DOP1A: variants seen among roughly 807,000 people sequenced by gnomAD.
DOP1A encodes protein DOP1A.
Under a neutral mutation model 267.6 loss-of-function variants are expected in DOP1A, and 90 were observed. The ratio of observed to expected loss-of-function variants is 0.34; its 90% CI spans 0.28 to 0.40. The LOEUF (loss-of-function observed/expected upper bound fraction) is 0.40, where lower values mean the gene tolerates loss of function less well. DOP1A is among the 10% of genes least tolerant of loss of function. The pLI is 1.00. For synonymous variants in DOP1A, 932 were observed against 999.1 expected, an observed-to-expected ratio of 0.93 and a Z score of 1.27; for missense variants, 2,437 against 2,900.4, an observed-to-expected ratio of 0.84 and a Z score of 3.67.
At chr6:83,134,426 C>T (rs563049882) in intron 19 of DOP1A, 139 bp downstream of exon 19, 11 of 665,368 alleles carry the variant, frequency 1.7e-5, no homozygotes, top group African/African-American at 3.7e-5. Flanking sequence ...TTTTGAAAAC[C>T]GTAAGCTGTA....
intron 15 of DOP1A, 67 bp from the exon 16 acceptor site, chr6:83,128,820 T>G (rs1777590933): frequency 6.7e-7 from 1 of 1,485,246 alleles, no homozygotes; most frequent in Non-Finnish European, 8.9e-7. Context: ...TCAAAAGTGG[T>G]CATTTCTAAT....
At chr6:83,088,333 A>G (rs1010902000) in intron 1 of DOP1A, among the ~76,000 whole-genome samples, 1 of 151,378 alleles carries the variant, frequency 6.6e-6, no homozygotes, top group African/African-American at 2.4e-5. Flanking sequence ...GGGAGATTGG[A>G]TCAGATTAGG....
At chr6:83,170,454 T>C, downstream of DOP1A, 5 of 1,614,080 alleles carry the variant, frequency 3.1e-6, no homozygotes, top group Non-Finnish European at 4.2e-6. Flanking sequence ...GCATCGGTAG[T>C]GCTAATAACT....
intron 8 of DOP1A, among the ~76,000 whole-genome samples, chr6:83,119,523 G>A (rs1776017758): frequency 6.6e-6 from 1 of 151,868 alleles, no homozygotes. Context: ...TAGTAAAATT[G>A]GCCAAAAAAT....
intron 6 of DOP1A, among the ~76,000 whole-genome samples, chr6:83,110,882 C>A (rs1283961753): frequency 6.6e-6 from 1 of 152,148 alleles, no homozygotes; most frequent in African/African-American, 2.4e-5. Flanking sequence ...TTTATGTACA[C>A]TGAAATTAGC....
At chr6:83,169,284 C>T, downstream of DOP1A, 1 of 1,613,934 alleles carries the variant, frequency 6.2e-7, no homozygotes, top group Non-Finnish European at 8.5e-7. Context: ...AGCTGAAATA[C>T]TGCCAAGCTC....
At chr6:83,159,015 T>C (rs1282387865) in intron 36 of DOP1A, among the ~76,000 whole-genome samples, 2 of 152,188 alleles carry the variant, frequency 1.3e-5, no homozygotes, top group South Asian at 2.1e-4. Context: ...TAATATACTT[T>C]TATTCTTTTT....
At chr6:83,142,131 G>A in intron 24 of DOP1A, 85 bp downstream of exon 24, 2 of 1,495,642 alleles carry the variant, frequency 1.3e-6, no homozygotes, top group Non-Finnish European at 1.8e-6. Flanking sequence ...TTGCAGTGGG[G>A]CCGGGGTAGA....
At chr6:83,095,634 C>T (rs971626237) in intron 1 of DOP1A, among the ~76,000 whole-genome samples, 8 of 152,124 alleles carry the variant, frequency 5.3e-5, no homozygotes, top group East Asian at 1.9e-4. Context: ...CCCTAGATTA[C>T]GTATTGCTGT....
At chr6:83,147,954 T>C (rs1193044552) in intron 26 of DOP1A, among the ~76,000 whole-genome samples, 1 of 152,082 alleles carries the variant, frequency 6.6e-6, no homozygotes, top group Non-Finnish European at 1.5e-5. Context: ...TAATATGAGG[T>C]AGAGACGTAC....
chr6:83,129,078 G>A lies in DOP1A; in HGVS notation c.1911G>A (p.Glu637=). 1.2e-6 allele frequency: 2 copies of A among 1,614,082 alleles called. No homozygotes were observed. Residue 637 remains glutamate, a synonymous_variant, in exon 16 of 39, where the codon GAG becomes GAA. Transcript: ENST00000349129. ...TCCCAATTGGTAGCACATCCTCTGA[G>A]ACAGAAACAGCATCCACTGTGGGAT... is the stretch of plus-strand genomic sequence containing the variant. ...AAIPIGSTSS[E]TETASTVGSE... is the part of the protein sequence containing the mutation.
chr6:83,129,812 C>T (rs1777744885), intron 16 of DOP1A, among the ~76,000 whole-genome samples: 1 of 151,878 alleles, frequency 6.6e-6, no homozygotes, highest in African/African-American at 2.4e-5. Context: ...TATGTATTTA[C>T]CTTTATTTTG....
chr6:83,160,010 T>G, intron 37 of DOP1A, 50 bp downstream of exon 37: 3 of 1,582,574 alleles, frequency 1.9e-6, no homozygotes, highest in Non-Finnish European at 2.6e-6. Context: ...GTGCATTTGC[T>G]TTGGTCACTG....
At chr6:83,088,611 C>T (rs145694677) in intron 1 of DOP1A, among the ~76,000 whole-genome samples, 199 of 151,852 alleles carry the variant, frequency 1.3e-3, no homozygotes, top group Admixed American at 2.6e-3. Context: ...CTAGTAGAGA[C>T]GGGTTTCACC....
At chr6:83,080,123 C>G (rs1328119433) in intron 1 of DOP1A, among the ~76,000 whole-genome samples, 1 of 151,992 alleles carries the variant, frequency 6.6e-6, no homozygotes, top group Admixed American at 6.6e-5. Context: ...TTTTCCCCTG[C>G]CATCTAAAAT....
Position 83,122,834 on chromosome 6 carries a change from AG to A in DOP1A, c.1221-28del, listed in dbSNP as rs773040951. On this transcript the variant is annotated intron_variant, in intron 11 of 38. Transcript: ENST00000349129. ...GAAAAAACAAATGTTAATATTTTTT[AG>A]TTTTTGTTTTCTTTTCTCTTTTTTC... 5.7e-6 allele frequency: 8 copies of A among 1,399,466 alleles called. No individual in the cohort carries two copies. The South Asian group carries it at 1.2e-4, about 21-fold the overall frequency. 86.7% of individuals were successfully genotyped at this position (1,399,466 alleles called of 1,614,324 possible).
chr6:83,141,122 A>C (rs1054376617), intron 23 of DOP1A, among the ~76,000 whole-genome samples: 15 of 152,290 alleles, frequency 9.8e-5, no homozygotes, highest in Non-Finnish European at 1.8e-4. Context: ...TATCCTTTCA[A>C]TGTTTCATTA....
Position 83,140,256 on chromosome 6 carries a change from A to G in DOP1A, c.5268A>G (p.Glu1756=). The change falls in exon 23 of 39, where the codon GAA becomes GAG. Residue 1756 remains glutamate (E), a synonymous_variant. Transcript: ENST00000349129. ...LVSVDQKHLF[E]ARSGILSILH... Reference sequence around the variant, plus strand: ...GTGTAGACCAGAAACACTTGTTTGAAGCACGCAGTGGAATCCTCTCAATCC... The same window carrying G: ...GTGTAGACCAGAAACACTTGTTTGAGGCACGCAGTGGAATCCTCTCAATCC... 6.2e-7 allele frequency: 1 copy of G among 1,613,238 alleles called. No homozygotes were observed. The highest frequency in any genetic ancestry group is 1.1e-5 in the South Asian group (1 of 91,002).
At chr6:83,137,049 T>C in intron 20 of DOP1A, 124 bp from the exon 21 acceptor site, 1 of 950,332 alleles carries the variant, frequency 1.1e-6, no homozygotes, top group East Asian at 2.8e-5. Flanking sequence ...AATGTAATTT[T>C]AGGAAAATAT....
Sources: gnomAD v4.1 joint callset for allele counts (sites outside exome capture counted in the v4.1 genomes callset) on GRCh38, gnomAD v4.1.1 for gene constraint, MANE v1.5 for transcripts, NCBI Gene and HGNC (gene_info 2026-07-23, HGNC 2026-07-21) for gene names.